Variants in TBC1D23 observed in about 807,000 individuals in gnomAD.
TBC1D23 encodes the protein HCV non-structural protein 4A-transactivated protein 1.
A neutral mutation model predicts 91.4 loss-of-function variants in TBC1D23; 55 were observed. That is an observed-to-expected ratio of 0.60 (90% CI 0.48 to 0.75). The LOEUF is 0.75. Among genes scored for constraint, TBC1D23 ranks in the 30% least tolerant of loss-of-function variants. The pLI, the probability that TBC1D23 is intolerant of heterozygous loss-of-function variation, is 0.00. For missense variants in TBC1D23, 725 were observed against 836.1 expected (o/e 0.87, Z 1.64); for synonymous variants, 289 against 281.0 (o/e 1.03, Z -0.28).
chr3:100,314,798 T>C (rs1048210360), intron 15 of TBC1D23, among the ~76,000 whole-genome samples: 10 of 152,040 alleles, frequency 6.6e-5, no homozygotes, highest in African/African-American at 2.4e-4. Context: ...CTACTACTAC[T>C]AATAACTAAA....
At chr3:100,322,453 A>G (rs150773410) in intron 18 of TBC1D23, among the ~76,000 whole-genome samples, 1 of 152,216 alleles carries the variant, frequency 6.6e-6, no homozygotes, top group Admixed American at 6.5e-5. Context: ...ATTTCTCAGG[A>G]GATTGATTTA....
At position 100,283,138 on chromosome 3, in the gene TBC1D23, C is replaced by T. The variant is rs924144684; in HGVS notation, c.272-469C>T. ...CTATAATCCCAGCACTTTGGGAGGC[C>T]GAGGCAGGCAGATCACCTGAGGTCA... On this transcript the variant is annotated intron_variant, in intron 3 of 18. Transcript: ENST00000394144. Among the ~76,000 whole-genome samples the T allele has an allele frequency of 6.0e-4, 92 of 152,130 alleles. 1 individual carries two copies. Among genetic ancestry groups the T allele is most frequent in the African/African-American group, 2.1e-3 (89 of 41,428 alleles).
chr3:100,284,135 C>G (rs938213144), intron 4 of TBC1D23: 2 of 219,090 alleles, frequency 9.1e-6, no homozygotes, highest in Admixed American at 1.0e-4. Context: ...TGTGGGGACT[C>G]TAGTTAATAA....
intron 1 of TBC1D23, among the ~76,000 whole-genome samples, chr3:100,272,480 A>G (rs979751219): frequency 1.3e-5 from 2 of 152,068 alleles, no homozygotes; most frequent in Admixed American, 1.3e-4. Context: ...TAAAATGGCC[A>G]TACTGCCCAA....
At chr3:100,317,862 A>C (rs564465209) in intron 16 of TBC1D23, among the ~76,000 whole-genome samples, 1 of 152,318 alleles carries the variant, frequency 6.6e-6, no homozygotes, top group Non-Finnish European at 1.5e-5. Flanking sequence ...GTGTATCAGT[A>C]TGTATGAATT....
At chr3:100,292,843 C>G (rs2067803603) in intron 5 of TBC1D23, among the ~76,000 whole-genome samples, 1 of 152,176 alleles carries the variant, frequency 6.6e-6, no homozygotes, top group Admixed American at 6.5e-5. Context: ...TCAAGCAATC[C>G]TCTCACGCAG....
chr3:100,287,193 A>G (rs867093577), intron 4 of TBC1D23, among the ~76,000 whole-genome samples: 2 of 151,708 alleles, frequency 1.3e-5, no homozygotes, highest in African/African-American at 4.8e-5. Context: ...GCTCACTGCC[A>G]CCTCCATCTC....
intron 1 of TBC1D23, among the ~76,000 whole-genome samples, chr3:100,266,461 G>A (rs1031835219): frequency 1.3e-5 from 2 of 151,970 alleles, no homozygotes; most frequent in African/African-American, 4.8e-5. Context: ...TAGAGATGGG[G>A]TTTCACCATG....
At position 100,320,863 on chromosome 3, in the gene TBC1D23, C is replaced by T. The variant is rs746180437; in HGVS notation, c.1910C>T (p.Ala637Val). 15 of 1,612,422 alleles carry T rather than the reference C, an allele frequency of 9.3e-6. No individual in the cohort carries two copies. Among genetic ancestry groups the T allele is most frequent in the South Asian group, 2.2e-5 (2 of 91,012 alleles). The change falls in exon 18 of 19, where the codon GCG becomes GTG. Residue 637 changes from alanine to valine, a missense_variant. By Grantham distance (64) the Ala-to-Val change is moderately conservative. Transcript: ENST00000394144. ...TTGGCTTATATACAGTCTCGACAAG[C>T]GCTGAATTCTGTAGTTAAAATTACA... ...KGLAYIQSRQ[A>V]LNSVVKITSK... is the part of the protein sequence containing the mutation.
intron 16 of TBC1D23, 66 bp downstream of exon 16, chr3:100,316,253 G>T: frequency 9.1e-7 from 1 of 1,102,216 alleles, no homozygotes; most frequent in Non-Finnish European, 1.4e-6. Flanking sequence ...CAGTCATTCT[G>T]GGAATAGCCA....
At chr3:100,314,426 G>C (rs1431646754) in intron 15 of TBC1D23, among the ~76,000 whole-genome samples, 1 of 151,988 alleles carries the variant, frequency 6.6e-6, no homozygotes, top group African/African-American at 2.4e-5. Context: ...TTTATTGATA[G>C]TGTGTAAAGT....
At chr3:100,293,546 T>C (rs1435416416) in intron 5 of TBC1D23, among the ~76,000 whole-genome samples, 1 of 152,248 alleles carries the variant, frequency 6.6e-6, no homozygotes, top group Admixed American at 6.5e-5. Flanking sequence ...AATGCAGTGG[T>C]AACTTTCGTT....
At chr3:100,264,981 T>C (rs1241952847) in intron 1 of TBC1D23, among the ~76,000 whole-genome samples, 1 of 152,186 alleles carries the variant, frequency 6.6e-6, no homozygotes, top group Non-Finnish European at 1.5e-5. Context: ...CCAATTCTGG[T>C]GGTTTATGGA....
intron 1 of TBC1D23, among the ~76,000 whole-genome samples, chr3:100,272,640 G>A (rs1039124043): frequency 1.3e-5 from 2 of 152,248 alleles, no homozygotes; most frequent in South Asian, 2.1e-4. Flanking sequence ...GGAGGATCCC[G>A]CCAGCCTCTG....
chr3:100,264,733 A>T (rs980669716), intron 1 of TBC1D23, among the ~76,000 whole-genome samples: 1 of 152,228 alleles, frequency 6.6e-6, no homozygotes, highest in Non-Finnish European at 1.5e-5. Flanking sequence ...GAAATTGTAT[A>T]TACATTCTTA....
intron 1 of TBC1D23, chr3:100,261,669 T>C (rs1404740799): frequency 1.3e-5 from 2 of 152,400 alleles, no homozygotes; most frequent in Non-Finnish European, 1.5e-5. Flanking sequence ...ATTTCTGAGC[T>C]TTGGATGCAG....
intron 17 of TBC1D23, among the ~76,000 whole-genome samples, 180 bp downstream of exon 17, chr3:100,319,384 T>TC (rs1049868156): frequency 9.2e-5 from 14 of 152,082 alleles, no homozygotes; most frequent in African/African-American, 2.9e-4. Flanking sequence ...TGAAAAATTT[T>TC]ATACAAAAAT....
At chr3:100,299,938 G>A (rs1705390550) in intron 10 of TBC1D23, among the ~76,000 whole-genome samples, 1 of 149,894 alleles carries the variant, frequency 6.7e-6, no homozygotes, top group Non-Finnish European at 1.5e-5. Flanking sequence ...ACTTAGCATA[G>A]TGCACTGCAC....
chr3:100,289,067 G>A (rs1412765104), intron 4 of TBC1D23, among the ~76,000 whole-genome samples: 2 of 151,868 alleles, frequency 1.3e-5, no homozygotes, highest in Admixed American at 6.6e-5. Flanking sequence ...TACAAAAATC[G>A]CCTGGGCATG....
Sources: gnomAD v4.1 joint callset for allele counts (sites outside exome capture counted in the v4.1 genomes callset) on GRCh38, gnomAD v4.1.1 for gene constraint, MANE v1.5 for transcripts, NCBI Gene and HGNC (gene_info 2026-07-23, HGNC 2026-07-21) for gene names.